Variants in PARD3B observed in about 807,000 individuals in gnomAD.
The protein encoded by PARD3B is partitioning defective 3 homolog B.
PARD3B carries 103 observed loss-of-function variants against 130.2 expected under a neutral mutation model. The observed-to-expected ratio is 0.79, with a 90% CI of 0.67 to 0.93. The LOEUF (loss-of-function observed/expected upper bound fraction) is 0.93. Ranked by LOEUF, PARD3B falls within the 40% of genes least tolerant of loss-of-function variation. PARD3B has a pLI of 0.00. For synonymous variants in PARD3B, 583 were observed against 553.2 expected (o/e 1.05, Z -0.76); for missense variants, 1,609 against 1,499.2 (o/e 1.07, Z -1.21).
chr2:205,042,075 G>A (rs1296221516), intron 3 of PARD3B, among the ~76,000 whole-genome samples: 1 of 152,074 alleles, frequency 6.6e-6, no homozygotes, highest in African/African-American at 2.4e-5. Flanking sequence ...TTTATATCTT[G>A]CATGATTCAT....
At chr2:205,467,390 T>A (rs6760161) in intron 20 of PARD3B, among the ~76,000 whole-genome samples, 5,429 of 152,290 alleles carry the variant, frequency 0.036, 297 homozygotes, top group African/African-American at 0.12. Flanking sequence ...ACCACCCAGC[T>A]TGGTGTCACA....
chr2:205,039,137 C>T (rs1575611606), intron 3 of PARD3B, among the ~76,000 whole-genome samples: 1 of 152,126 alleles, frequency 6.6e-6, no homozygotes, highest in African/African-American at 2.4e-5. Flanking sequence ...GCTGAAAAGC[C>T]CTATCTGATG....
At chr2:204,862,955 T>A (rs2045269602) in intron 2 of PARD3B, among the ~76,000 whole-genome samples, 1 of 152,078 alleles carries the variant, frequency 6.6e-6, no homozygotes, top group Non-Finnish European at 1.5e-5. Flanking sequence ...AGCCACAGGC[T>A]CCTCCCAACT....
chr2:205,389,134 A>AT (rs912237805), intron 18 of PARD3B, among the ~76,000 whole-genome samples: 12 of 151,598 alleles, frequency 7.9e-5, no homozygotes, highest in Non-Finnish European at 1.8e-4. Context: ...CAGGATATAA[A>AT]TTTTTTTTTC....
At chr2:204,567,570 A>G (rs2031749599) in intron 1 of PARD3B, among the ~76,000 whole-genome samples, 1 of 152,182 alleles carries the variant, frequency 6.6e-6, no homozygotes, top group Non-Finnish European at 1.5e-5. Flanking sequence ...GTTAAAGAAT[A>G]TTTCTTTGTA....
intron 2 of PARD3B, among the ~76,000 whole-genome samples, chr2:204,891,579 G>C (rs6759876): frequency 0.28 from 42,897 of 152,122 alleles, 11,018 homozygotes; most frequent in African/African-American, 0.69. Context: ...TTTCACTGGA[G>C]AGATTCTAAT....
Position 205,221,417 on chromosome 2 carries a change from T to G in PARD3B, c.2141-24361T>G, listed in dbSNP as rs142108289. 1.5e-3 allele frequency among the ~76,000 whole-genome samples: 224 copies of G among 152,346 alleles called. 8 individuals carry two copies. In the East Asian group the frequency reaches 0.042, roughly 28 times the overall value. The stretch of plus-strand genomic sequence containing the variant: ...AACGACTTCAGGATTTTTAGCTGAC[T>G]GCACACAGTTGATGAGCCAGCAGTA... On this transcript the variant is annotated intron_variant, in intron 15 of 22. Transcript: ENST00000406610.
At chr2:205,526,743 G>A (rs2051356065) in intron 21 of PARD3B, among the ~76,000 whole-genome samples, 1 of 152,118 alleles carries the variant, frequency 6.6e-6, no homozygotes, top group Admixed American at 6.5e-5. Flanking sequence ...TTAGTGCTTT[G>A]TCTTTAGTAA....
At chr2:204,877,662 A>C (rs2045895296) in intron 2 of PARD3B, among the ~76,000 whole-genome samples, 1 of 152,190 alleles carries the variant, frequency 6.6e-6, no homozygotes, top group South Asian at 2.1e-4. Context: ...GGCTGAATAT[A>C]CCATGACTTT....
Position 205,126,663 on chromosome 2 carries a change from G to A in PARD3B, c.1434+926G>A, listed in dbSNP as rs370972208. 2.3e-3 allele frequency among the ~76,000 whole-genome samples: 331 copies of A among 145,732 alleles called. 2 individuals are homozygous for A. Among genetic ancestry groups the A allele is most frequent in the African/African-American group, 8.0e-3 (314 of 39,200 alleles). ...CGGGAGGCTGAGGCAGGAGAATGGC[G>A]TGAACCCGGGAAGCGGAGCTTGCAG... On this transcript the variant is annotated intron_variant, in intron 10 of 22. Coordinates refer to ENST00000406610, the MANE Select transcript of PARD3B (RefSeq NM_001302769.2).
chr2:205,586,863 A>AT (rs1220584127), intron 22 of PARD3B, among the ~76,000 whole-genome samples: 7 of 151,836 alleles, frequency 4.6e-5, no homozygotes, highest in Non-Finnish European at 7.4e-5. Flanking sequence ...CCCTGTAGTT[A>AT]TTTTTTTTAA....
chr2:205,052,452 A>ATATATATATATAT (rs1443249681), intron 4 of PARD3B, among the ~76,000 whole-genome samples: 698 of 20,448 alleles, frequency 0.034, 19 homozygotes, highest in Middle Eastern at 0.043. Context: ...TATATATATA[A>ATATATATATATAT]AATTAAAAAA....
At chr2:204,772,428 C>A (rs1390282348) in intron 2 of PARD3B, among the ~76,000 whole-genome samples, 1 of 151,938 alleles carries the variant, frequency 6.6e-6, no homozygotes, top group African/African-American at 2.4e-5. Flanking sequence ...GCAATTGATC[C>A]CAATACATTA....
At chr2:204,819,208 G>A (rs1304854030) in intron 2 of PARD3B, among the ~76,000 whole-genome samples, 3 of 152,180 alleles carry the variant, frequency 2.0e-5, no homozygotes, top group African/African-American at 7.2e-5. Context: ...CGGCAACCCT[G>A]TCTCAAGCAA....
At chr2:205,574,119 G>A (rs548561251) in intron 22 of PARD3B, among the ~76,000 whole-genome samples, 1 of 152,270 alleles carries the variant, frequency 6.6e-6, no homozygotes, top group East Asian at 1.9e-4. Context: ...TATACTATGT[G>A]CAGCAAAAGT....
At chr2:205,175,030 G>A (rs969370873) in intron 12 of PARD3B, among the ~76,000 whole-genome samples, 12 of 152,156 alleles carry the variant, frequency 7.9e-5, no homozygotes, top group South Asian at 6.2e-4. Context: ...CCAGCTCATC[G>A]TGGCAAAAGC....
chr2:204,593,218 T>C (rs1035691030), intron 1 of PARD3B, among the ~76,000 whole-genome samples: 2 of 152,152 alleles, frequency 1.3e-5, no homozygotes, highest in Non-Finnish European at 2.9e-5. Flanking sequence ...CTATAACAGG[T>C]CTTGCACAAA....
chr2:205,247,928 G>GT (rs958276992), intron 16 of PARD3B, among the ~76,000 whole-genome samples: 18 of 151,508 alleles, frequency 1.2e-4, no homozygotes, highest in Middle Eastern at 3.4e-3. Context: ...TTTGTTTTTT[G>GT]TTTTTTGTTT....
chr2:205,176,364 G>C lies in PARD3B; in HGVS notation c.1792-81G>C. The C allele has an allele frequency of 7.4e-7, 1 of 1,351,570 alleles. No homozygotes were observed. Among genetic ancestry groups the C allele is most frequent in the Non-Finnish European group, 1.0e-6 (1 of 993,648 alleles). 83.7% of individuals were successfully genotyped at this position (1,351,570 alleles called of 1,614,324 possible). A position where few individuals can be genotyped will look rare whatever the true frequency, so the allele number is the denominator to read the frequency against. ...ACTCTTGAAAGACTATTCATACAGCGATCATTCTTTCACTTTGCTTCAACT... is the reference window on the plus strand; with the variant it reads ...ACTCTTGAAAGACTATTCATACAGCCATCATTCTTTCACTTTGCTTCAACT... On this transcript the variant is annotated intron_variant, in intron 12 of 22. Transcript: ENST00000406610. This position sits in a 1 kb window ranked among gnomAD's most constrained non-coding sequence, Gnocchi z 5.3.
Sources: allele counts gnomAD v4.1 joint callset (sites outside exome capture counted in the v4.1 genomes callset), GRCh38; gene constraint gnomAD v4.1.1; non-coding constraint Gnocchi (gnomAD v3.1); transcripts MANE v1.5; gene names NCBI Gene and HGNC (gene_info 2026-07-23, HGNC 2026-07-21).